Variants in SRL observed in about 807,000 individuals in gnomAD.
SRL encodes the protein sarcalumenin.
Under a neutral mutation model 39.5 loss-of-function variants are expected in SRL, and 23 were observed. That is an observed-to-expected ratio of 0.58 (90% confidence interval 0.42 to 0.82). The LOEUF (loss-of-function observed/expected upper bound fraction) is 0.82. Among genes scored for constraint, SRL ranks in the 40% least tolerant of loss-of-function variants. SRL has a pLI of 0.00. For missense variants in SRL, 592 were observed against 607.8 expected (o/e 0.97, Z 0.27); for synonymous variants, 272 against 237.4 (o/e 1.15, Z -1.34).
chr16:4,211,775 G>A lies in SRL; in HGVS notation c.62-7141C>T, dbSNP rs113173985. 2.4e-4 allele frequency among the ~76,000 whole-genome samples: 34 copies of A among 139,876 alleles called. 1 individual carries two copies. Among genetic ancestry groups the A allele is most frequent in the African/African-American group, 8.1e-4 (30 of 37,050 alleles). 91.8% of individuals were successfully genotyped at this position (139,876 alleles called of 152,430 possible). On this transcript the variant is annotated intron_variant, in intron 1 of 5. Transcript: ENST00000399609. ...GATGATGATGGTGATGATGATGGTG[G>A]TGACTATGCTGATGATGAGGATCGT...
rs1314881380 is a variant in SRL, at chr16:4,189,513, T to C, written c.*2640A>G. 6.6e-6 allele frequency: 1 copy of C among 151,736 alleles called. No individual in the cohort carries two copies. Among genetic ancestry groups the C allele is most frequent in the Non-Finnish European group, 1.5e-5 (1 of 68,008 alleles). The allele number at this position is 151,736 out of a possible 1,614,324, so 9.4% of individuals were successfully genotyped here. A position where few individuals can be genotyped will look rare whatever the true frequency, so the allele number is the denominator to read the frequency against. On this transcript the variant is annotated 3_prime_UTR_variant, in exon 6 of 6. Coordinates refer to ENST00000399609, the MANE Select transcript of SRL (RefSeq NM_001098814.2). ...CTCTGGATCATTAAGTTTCCCCCAG[T>C]TCCTAATCCCCCACCCCAAAGAGTC...
chr16:4,213,404 C>CTTTTTCTTTTT (rs1237775177), intron 1 of SRL, among the ~76,000 whole-genome samples: 4 of 69,582 alleles, frequency 5.7e-5, no homozygotes, highest in Non-Finnish European at 1.0e-4. Flanking sequence ...TTTTCTTTTT[C>CTTTTTCTTTTT]TTTTTTTTTT....
chr16:4,231,817 T>G (rs762747955), intron 1 of SRL, among the ~76,000 whole-genome samples: 3 of 152,084 alleles, frequency 2.0e-5, no homozygotes, highest in African/African-American at 7.2e-5. Flanking sequence ...CTCACAAGAG[T>G]GATAACCTGT....
rs1249460063 is a variant in SRL at position 4,197,787 on chromosome 16, A to G, written c.376+12T>C. 6.5e-7 allele frequency: 1 copy of G among 1,527,354 alleles called. No individual in the cohort carries two copies. Among genetic ancestry groups the G allele is most frequent in the Non-Finnish European group, 9.1e-7 (1 of 1,101,214 alleles). The allele number at this position is 1,527,354 out of a possible 1,614,324, so 94.6% of individuals were successfully genotyped here. On this transcript the variant is annotated intron_variant, in intron 4 of 5. Transcript: ENST00000399609. ...ATTCAAATCCCAACAATCACACAAG[A>G]ATATTGATTACCTGTATAGAGCTGA...
At chr16:4,219,423 G>A (rs992602993) in intron 1 of SRL, among the ~76,000 whole-genome samples, 1 of 152,110 alleles carries the variant, frequency 6.6e-6, no homozygotes, top group African/African-American at 2.4e-5. Flanking sequence ...GGGCTGTGTC[G>A]GGGCAGCCAC....
intron 1 of SRL, among the ~76,000 whole-genome samples, chr16:4,233,404 G>T (rs544765922): frequency 6.6e-6 from 1 of 152,118 alleles, no homozygotes; most frequent in Non-Finnish European, 1.5e-5. Context: ...GATGAAATAC[G>T]GGCAAATTAA....
At chr16:4,213,652 C>G (rs2052422122) in intron 1 of SRL, among the ~76,000 whole-genome samples, 1 of 151,940 alleles carries the variant, frequency 6.6e-6, no homozygotes, top group Non-Finnish European at 1.5e-5. Flanking sequence ...CTCAAGCGAT[C>G]CTCCCACCTC....
chr16:4,239,237 C>T (rs186900633), intron 1 of SRL, among the ~76,000 whole-genome samples: 20 of 152,366 alleles, frequency 1.3e-4, no homozygotes, highest in Non-Finnish European at 2.6e-4. Flanking sequence ...CGTCACTGCA[C>T]CCTTGTCTCA....
At chr16:4,196,176 G>A (rs1310275656) in intron 4 of SRL, among the ~76,000 whole-genome samples, 1 of 152,044 alleles carries the variant, frequency 6.6e-6, no homozygotes, top group African/African-American at 2.4e-5. Flanking sequence ...GGCCAGGCTG[G>A]TCTCGAACTT....
rs1234752742 is a variant in SRL, at chr16:4,201,626, T to G, written c.259+1540A>C. On this transcript the variant is annotated intron_variant, in intron 3 of 5. Transcript: ENST00000399609. Reference sequence around the variant, plus strand: ...TGAGCCATCACGCTGGGCCCAATTTTTGTGTGTGTGTTTTGTTTGTTTGTT... The same window carrying G: ...TGAGCCATCACGCTGGGCCCAATTTGTGTGTGTGTGTTTTGTTTGTTTGTT... Among the ~76,000 whole-genome samples the G allele has an allele frequency of 6.7e-5, 6 of 89,414 alleles. 2 individuals are homozygous for G. The highest frequency in any genetic ancestry group is 1.2e-4 in the Admixed American group (1 of 8,030). 58.7% of individuals were successfully genotyped at this position (89,414 alleles called of 152,430 possible). A position where few individuals can be genotyped will look rare whatever the true frequency, so the allele number is the denominator to read the frequency against.
chr16:4,213,867 C>G, intron 1 of SRL, among the ~76,000 whole-genome samples: 1 of 152,222 alleles, frequency 6.6e-6, no homozygotes, highest in South Asian at 2.1e-4. Context: ...TTGTTAACCT[C>G]TCTTGAAATG....
intron 4 of SRL, 72 bp downstream of exon 4, chr16:4,197,727 G>C: frequency 2.6e-6 from 3 of 1,136,476 alleles, no homozygotes; most frequent in Non-Finnish European, 4.0e-6. Context: ...TGTCCGGCCA[G>C]TGATTTAAAT....
chr16:4,232,657 T>C lies in SRL; in HGVS notation c.61+9350A>G, dbSNP rs564708304. Among the ~76,000 whole-genome samples, 28 of 152,288 alleles carry C rather than the reference T, an allele frequency of 1.8e-4. 1 individual carries two copies. Among genetic ancestry groups the C allele is most frequent in the African/African-American group, 6.5e-4 (27 of 41,560 alleles). ...TCCCAAGCAGCTGGGACCACACGCA[T>C]AGGCCATTATGCCTGGCTAATTGTT... On this transcript the variant is annotated intron_variant, in intron 1 of 5. Transcript: ENST00000399609.
chr16:4,194,792 A>G (rs2052114089), intron 5 of SRL, among the ~76,000 whole-genome samples: 1 of 152,180 alleles, frequency 6.6e-6, no homozygotes, highest in South Asian at 2.1e-4. Flanking sequence ...AGTAACGACA[A>G]GAAGGGTGGA....
At chr16:4,205,056 C>T (rs1190000041) in intron 1 of SRL, among the ~76,000 whole-genome samples, 1 of 152,126 alleles carries the variant, frequency 6.6e-6, no homozygotes, top group Non-Finnish European at 1.5e-5. Flanking sequence ...AGTGCAGTGG[C>T]TCACACCTGT....
At chr16:4,195,131 G>A (rs572806491) in intron 5 of SRL, among the ~76,000 whole-genome samples, 3,090 of 152,234 alleles carry the variant, frequency 0.02, 104 homozygotes, top group African/African-American at 0.068. Flanking sequence ...CTGGGCTTAA[G>A]TGATCCACCT....
chr16:4,204,385 C>T (rs1325385809), intron 2 of SRL, 148 bp downstream of exon 2: 20 of 633,320 alleles, frequency 3.2e-5, no homozygotes, highest in Non-Finnish European at 4.6e-5. Context: ...TCTTCCCCAA[C>T]GTCCCCTCCA....
At position 4,196,158 on chromosome 16, in the gene SRL, A is replaced by G. The variant is rs2052138554; in HGVS notation, c.377-372T>C. Among the ~76,000 whole-genome samples the G allele has an allele frequency of 2.0e-5, 3 of 151,914 alleles. No individual in the cohort carries two copies. The South Asian group carries it at 6.2e-4, about 32-fold the overall frequency. On this transcript the variant is annotated intron_variant, in intron 4 of 5. Coordinates refer to ENST00000399609, the MANE Select transcript of SRL (RefSeq NM_001098814.2). The stretch of plus-strand genomic sequence containing the variant: ...GTATTTTTAGTAGAGACAGAGTTTC[A>G]CCGTGTTGGCCAGGCTGGTCTCGAA...
chr16:4,241,131 C>T (rs1597302659), intron 1 of SRL, among the ~76,000 whole-genome samples: 2 of 152,138 alleles, frequency 1.3e-5, no homozygotes, highest in African/African-American at 2.4e-5. Context: ...GGAAGACTGC[C>T]GAGTCATGAA....
Sources: allele counts gnomAD v4.1 joint callset (sites outside exome capture counted in the v4.1 genomes callset), GRCh38; gene constraint gnomAD v4.1.1; transcripts MANE v1.5; gene names NCBI Gene and HGNC (gene_info 2026-07-23, HGNC 2026-07-21).